COL5A2: variants seen among roughly 807,000 people sequenced by gnomAD.
COL5A2 encodes collagen alpha-2(V) chain.
Under a neutral mutation model 208.2 loss-of-function variants are expected in COL5A2, and 23 were observed. That is an observed-to-expected ratio of 0.11 (90% confidence interval 0.08 to 0.16). COL5A2 has a LOEUF of 0.16. Ranked by LOEUF, COL5A2 falls within the 10% of genes least tolerant of loss-of-function variation. The probability of loss-of-function intolerance (pLI) is 1.00; values close to 1 mark genes in which losing one functional copy is unlikely to be tolerated. For synonymous variants in COL5A2, 625 were observed against 628.5 expected (o/e 0.99, Z 0.08); for missense variants, 1,590 against 1,956.4 (o/e 0.81, Z 3.53).
chr2:189,105,957 C>T lies in COL5A2; in HGVS notation c.323-1680G>A, dbSNP rs549678704. Among the ~76,000 whole-genome samples, 8 of 151,448 alleles carry T rather than the reference C, an allele frequency of 5.3e-5. No homozygotes were observed. In the East Asian group the frequency reaches 1.5e-3, roughly 29 times the overall value. On this transcript the variant is annotated intron_variant, in intron 2 of 53. Transcript: ENST00000374866. ...GCCATCTTTATTGTATTCAATCTGA[C>T]CATGTATATTTGGATCTACTTCAAG...
chr2:189,114,860 A>G (rs1687357285), intron 1 of COL5A2, among the ~76,000 whole-genome samples: 1 of 151,996 alleles, frequency 6.6e-6, no homozygotes, highest in Non-Finnish European at 1.5e-5. Flanking sequence ...GGAACTTAAA[A>G]TAAAAATAAA....
intron 1 of COL5A2, among the ~76,000 whole-genome samples, chr2:189,204,587 A>C (rs756933564): frequency 2.6e-5 from 4 of 152,136 alleles, no homozygotes; most frequent in Non-Finnish European, 4.4e-5. Context: ...TCATCTTTAA[A>C]CTTTAATTTC....
rs1296900201 is a variant in COL5A2 at position 189,060,747 on chromosome 2, C to T, written c.2068G>A (p.Gly690Arg). 9.9e-6 allele frequency: 16 copies of T among 1,613,358 alleles called. No individual in the cohort carries two copies. The highest frequency in any genetic ancestry group is 1.3e-5 in the Non-Finnish European group (15 of 1,179,516). Residue 690 changes from glycine to arginine, a missense_variant, in exon 31 of 54, where the codon GGA becomes AGA. By Grantham distance (125) the Gly-to-Arg change is moderately radical (BLOSUM62 -2). Transcript: ENST00000374866. Reference protein sequence around the residue: ...PGPPGPPGEGGKPGDQGVPGD... With the variant: ...PGPPGPPGEGRKPGDQGVPGD... ...ACACTTACTTGATCACCTGGTTTTC[C>T]ACCTTCTCCAGGAGGCCCTGGAGGA...
chr2:189,126,171 G>C (rs1559115759), intron 1 of COL5A2, among the ~76,000 whole-genome samples: 3 of 151,868 alleles, frequency 2.0e-5, no homozygotes, highest in South Asian at 4.2e-4. Context: ...CAATCATTCA[G>C]CTTGTTCATC....
rs1380478363 is a variant in COL5A2 at position 189,193,916 on chromosome 2, C to G, written c.-42+31232G>C. Among the ~76,000 whole-genome samples the G allele has an allele frequency of 2.0e-5, 3 of 151,954 alleles. No individual in the cohort carries two copies. In the East Asian group the frequency reaches 5.8e-4, roughly 29 times the overall value. ...GAATTCTCATGCAATCACGAGAAAGCCAGATATTAAAGAGACTCAAAAATG... is the reference window on the plus strand; with the variant it reads ...GAATTCTCATGCAATCACGAGAAAGGCAGATATTAAAGAGACTCAAAAATG... On this transcript the variant is annotated intron_variant, in intron 1 of 10. Transcript: ENST00000649966.
chr2:189,090,393 T>C (rs533990852), intron 7 of COL5A2, among the ~76,000 whole-genome samples: 4 of 152,306 alleles, frequency 2.6e-5, no homozygotes, highest in African/African-American at 9.6e-5. Flanking sequence ...ATCTCCATAA[T>C]ATAAAAATGC....
the COL5A2 span, among the ~76,000 whole-genome samples, chr2:189,347,853 G>C: frequency 6.6e-6 from 1 of 152,156 alleles, no homozygotes; most frequent in African/African-American, 2.4e-5. Context: ...TAGGGACAGA[G>C]GGAGTAAGTG....
At chr2:189,067,429 C>G (rs898147753) in intron 21 of COL5A2, among the ~76,000 whole-genome samples, 4 of 152,062 alleles carry the variant, frequency 2.6e-5, no homozygotes, top group Non-Finnish European at 5.9e-5. Context: ...TTACTTGGAA[C>G]AGAATTGTAA....
chr2:189,271,113 A>G, the COL5A2 span, among the ~76,000 whole-genome samples: 1 of 152,168 alleles, frequency 6.6e-6, no homozygotes, highest in East Asian at 1.9e-4. Flanking sequence ...TGCTATCCCC[A>G]TCAAGCTACC....
the COL5A2 span, among the ~76,000 whole-genome samples, chr2:189,364,506 G>A: frequency 1.3e-5 from 2 of 152,114 alleles, no homozygotes; most frequent in African/African-American, 4.8e-5. Context: ...GGCCAACATG[G>A]TGAAACCCCG....
chr2:189,334,330 T>G, the COL5A2 span, among the ~76,000 whole-genome samples: 1 of 151,956 alleles, frequency 6.6e-6, no homozygotes, highest in Non-Finnish European at 1.5e-5. Flanking sequence ...GCTGATAACA[T>G]TATGGTATAT....
In COL5A2 at chr2:189,097,495, C is replaced by G. The variant is rs544983164; in HGVS notation, c.403-165G>C. ...GCCATGTGCATATAAAAGTTCTGTA[C>G]GCTTAGAAGCGTTGTTTATGTTATC... On this transcript the variant is annotated intron_variant, in intron 5 of 53. Transcript: ENST00000374866. The G allele has an allele frequency of 2.3e-5, 17 of 735,372 alleles. No individual in the cohort carries two copies. In the East Asian group the frequency reaches 3.2e-4, roughly 14 times the overall value. 45.6% of individuals were successfully genotyped at this position (735,372 alleles called of 1,614,324 possible). A position where few individuals can be genotyped will look rare whatever the true frequency, so the allele number is the denominator to read the frequency against.
chr2:189,151,896 T>C (rs1489809179), intron 1 of COL5A2, among the ~76,000 whole-genome samples: 1 of 152,208 alleles, frequency 6.6e-6, no homozygotes, highest in East Asian at 1.9e-4. Flanking sequence ...ACTATAGAGT[T>C]CACTTCAAAG....
rs1039715132 is a variant in COL5A2 at position 189,045,863 on chromosome 2, C to G, written c.3246G>C (p.Gln1082His). ...CAGGGCCAGGAGTTCCAGGGGCACC[C>G]TGAGAGCCTGGCAGACCTGCAGGCC... ...DPGPAGLPGS[Q>H]GAPGTPGPVG... Residue 1082 changes from glutamine (Q) to histidine (H), a missense_variant, in exon 46 of 54, where the codon CAG becomes CAC. Coordinates refer to ENST00000374866, the MANE Select transcript of COL5A2 (RefSeq NM_000393.5). 6 of 1,614,048 alleles carry G rather than the reference C, an allele frequency of 3.7e-6. No individual in the cohort carries two copies. The highest frequency in any genetic ancestry group is 3.3e-5 in the Admixed American group (2 of 60,010).
In COL5A2 at chr2:189,062,326, G is replaced by A. The variant is rs547036453; in HGVS notation, c.1977+539C>T. Among the ~76,000 whole-genome samples, 451 of 151,992 alleles carry A rather than the reference G, an allele frequency of 3.0e-3. 3 individuals carry two copies. Among genetic ancestry groups the A allele is most frequent in the Non-Finnish European group, 2.2e-3 (151 of 67,976 alleles). ...AGCCTCCTGAATAGCTAGGATTACA[G>A]GCACATGCCACCATGCCAGGCTAAT... is the stretch of plus-strand genomic sequence containing the variant. On this transcript the variant is annotated intron_variant, in intron 29 of 53. Transcript: ENST00000374866.
the COL5A2 span, among the ~76,000 whole-genome samples, chr2:189,404,082 ATC>A: frequency 7.2e-5 from 11 of 152,218 alleles, no homozygotes; most frequent in Middle Eastern, 0.01. Flanking sequence ...ACCCATAATA[ATC>A]TCTCTTTTGT....
the COL5A2 span, among the ~76,000 whole-genome samples, chr2:189,302,066 T>C: frequency 1.3e-5 from 2 of 152,302 alleles, no homozygotes; most frequent in Admixed American, 6.5e-5. Context: ...AATTTCATTA[T>C]GAAGATCCCA....
At chr2:189,178,570 T>G (rs1688721826) in intron 1 of COL5A2, among the ~76,000 whole-genome samples, 1 of 151,992 alleles carries the variant, frequency 6.6e-6, no homozygotes, top group Non-Finnish European at 1.5e-5. Flanking sequence ...GATTAAAGAT[T>G]TAATAGAGGA....
chr2:189,393,815 T>C, the COL5A2 span, among the ~76,000 whole-genome samples: 7 of 152,198 alleles, frequency 4.6e-5, no homozygotes, highest in Non-Finnish European at 7.4e-5. Flanking sequence ...TTTCCCTCAA[T>C]ATTTCCTAGT....
Sources: gnomAD v4.1 joint callset for allele counts (sites outside exome capture counted in the v4.1 genomes callset) on GRCh38, gnomAD v4.1.1 for gene constraint, MANE v1.5 for transcripts, NCBI Gene and HGNC (gene_info 2026-07-23, HGNC 2026-07-21) for gene names.